Variants in FHIT observed in about 807,000 individuals in gnomAD.
FHIT encodes fragile histidine triad diadenosine triphosphatase.
A neutral mutation model predicts 17.9 loss-of-function variants in FHIT; 19 were observed. The observed-to-expected ratio is 1.06, with a 90% CI of 0.74 to 1.56. FHIT has a LOEUF of 1.56. Ranked by LOEUF, FHIT falls within the 40% of genes most tolerant of loss-of-function variation. The probability of loss-of-function intolerance (pLI) is 0.00; values close to 1 mark genes in which losing one functional copy is unlikely to be tolerated. For missense variants in FHIT, 248 were observed against 189.2 expected (o/e 1.31, Z -1.82); for synonymous variants, 81 against 69.7 (o/e 1.16, Z -0.81).
chr3:59,857,705 G>GT (rs78150569), intron 8 of FHIT, among the ~76,000 whole-genome samples: 1,424 of 115,382 alleles, frequency 0.012, 45 homozygotes, highest in African/African-American at 0.029. Flanking sequence ...AAAGTGCTGG[G>GT]TTTTTTTTTT....
At chr3:61,119,151 C>G (rs950076266) in intron 2 of FHIT, among the ~76,000 whole-genome samples, 6 of 152,156 alleles carry the variant, frequency 3.9e-5, no homozygotes, top group African/African-American at 1.4e-4. Flanking sequence ...AATAGCCTTC[C>G]CTCACAGTGG....
At chr3:61,122,696 T>C (rs756321910) in intron 2 of FHIT, among the ~76,000 whole-genome samples, 3 of 152,156 alleles carry the variant, frequency 2.0e-5, no homozygotes, top group Non-Finnish European at 2.9e-5. Flanking sequence ...GCGAAGGATA[T>C]GAACAGTCAC....
At chr3:59,929,619 G>A (rs963256847) in intron 7 of FHIT, among the ~76,000 whole-genome samples, 2 of 151,756 alleles carry the variant, frequency 1.3e-5, no homozygotes, top group African/African-American at 4.8e-5. Flanking sequence ...AGGTGATCAT[G>A]CCCAGCATCT....
Position 61,002,486 on chromosome 3 carries a change from TC to T in FHIT, c.-111+39560del, listed in dbSNP as rs541308543. On this transcript the variant is annotated intron_variant, in intron 3 of 9. Coordinates refer to ENST00000492590, the MANE Select transcript of FHIT (RefSeq NM_002012.4). ...TATGTTGCCCTAGCTGGTTTCAAACTCCTGGGCTCAAGTGATCCTCCCACCT... is the reference window on the plus strand; with the variant it reads ...TATGTTGCCCTAGCTGGTTTCAAACTCTGGGCTCAAGTGATCCTCCCACCT... Among the ~76,000 whole-genome samples, 9 of 152,214 alleles carry T rather than the reference TC, an allele frequency of 5.9e-5. No individual in the cohort carries two copies. In the East Asian group the frequency reaches 1.7e-3, roughly 30 times the overall value.
chr3:60,618,676 A>T (rs1207826347), intron 4 of FHIT, among the ~76,000 whole-genome samples: 1 of 152,224 alleles, frequency 6.6e-6, no homozygotes, highest in African/African-American at 2.4e-5. Flanking sequence ...ATGTTATGCA[A>T]AAAGATTTTG....
intron 5 of FHIT, among the ~76,000 whole-genome samples, chr3:60,026,590 T>A (rs1296385508): frequency 6.6e-6 from 1 of 152,220 alleles, no homozygotes; most frequent in Non-Finnish European, 1.5e-5. Context: ...AATCATCTTA[T>A]AATCATTTAG....
intron 5 of FHIT, among the ~76,000 whole-genome samples, chr3:60,205,526 G>A (rs1179690717): frequency 1.3e-5 from 2 of 152,134 alleles, no homozygotes; most frequent in Non-Finnish European, 2.9e-5. Flanking sequence ...CACCTAAAAA[G>A]CAGTATTTGA....
chr3:60,064,666 A>G (rs1009227888), intron 5 of FHIT, among the ~76,000 whole-genome samples: 1 of 152,200 alleles, frequency 6.6e-6, no homozygotes, highest in African/African-American at 2.4e-5. Context: ...TACACACAAC[A>G]CAAGCACACT....
chr3:59,762,122 C>T (rs1051279629), intron 8 of FHIT, among the ~76,000 whole-genome samples: 9 of 152,020 alleles, frequency 5.9e-5, no homozygotes, highest in East Asian at 1.9e-4. Context: ...GACTAACAGG[C>T]GGGTAGTGTA....
intron 3 of FHIT, among the ~76,000 whole-genome samples, chr3:60,988,623 G>T (rs1575802261): frequency 6.6e-6 from 1 of 152,106 alleles, no homozygotes; most frequent in Non-Finnish European, 1.5e-5. Flanking sequence ...GAATCTTCCA[G>T]CATTTGATCG....
chr3:60,528,935 C>G (rs2035671412), intron 5 of FHIT, among the ~76,000 whole-genome samples: 1 of 152,204 alleles, frequency 6.6e-6, no homozygotes, highest in African/African-American at 2.4e-5. Context: ...CTAATTGTTA[C>G]ACATAAACAT....
chr3:60,561,817 T>G (rs1294930343), intron 4 of FHIT, among the ~76,000 whole-genome samples: 1 of 151,866 alleles, frequency 6.6e-6, no homozygotes. Flanking sequence ...TAGTAACTAG[T>G]CAGGCACCAT....
intron 5 of FHIT, among the ~76,000 whole-genome samples, chr3:60,457,533 T>G (rs541755618): frequency 1.3e-5 from 2 of 152,234 alleles, no homozygotes; most frequent in African/African-American, 4.8e-5. Context: ...AAGGACTTCA[T>G]GTCTAAAGCA....
chr3:61,218,590 G>T (rs1352066386), intron 1 of FHIT, among the ~76,000 whole-genome samples: 1 of 152,166 alleles, frequency 6.6e-6, no homozygotes, highest in Admixed American at 6.6e-5. Context: ...TCAAGGTAAT[G>T]GAGAAGATCT....
chr3:61,185,103 T>G (rs977519917), intron 2 of FHIT, among the ~76,000 whole-genome samples: 1 of 152,186 alleles, frequency 6.6e-6, no homozygotes. Flanking sequence ...AAGGATTAAG[T>G]AGGCAGGACA....
chr3:61,183,152 C>T (rs933407018), intron 2 of FHIT, among the ~76,000 whole-genome samples: 1 of 152,196 alleles, frequency 6.6e-6, no homozygotes. Flanking sequence ...GCCATACTTG[C>T]CACAGAGTGC....
intron 4 of FHIT, among the ~76,000 whole-genome samples, chr3:60,570,346 C>T (rs781648999): frequency 1.3e-5 from 2 of 152,052 alleles, no homozygotes; most frequent in African/African-American, 2.4e-5. Flanking sequence ...CTTTTATAAT[C>T]GGGACTAAAA....
At chr3:60,820,806 G>C (rs1701898740) in intron 4 of FHIT, among the ~76,000 whole-genome samples, 3 of 152,092 alleles carry the variant, frequency 2.0e-5, no homozygotes, top group Admixed American at 2.0e-4. Flanking sequence ...TAAATTGTCT[G>C]AGACCCGGAA....
At chr3:60,065,079 T>G (rs1416330293) in intron 5 of FHIT, among the ~76,000 whole-genome samples, 1 of 152,100 alleles carries the variant, frequency 6.6e-6, no homozygotes, top group East Asian at 1.9e-4. Flanking sequence ...AGACTGTTCT[T>G]TAGGACATAA....
Sources: gnomAD v4.1 joint callset for allele counts (sites outside exome capture counted in the v4.1 genomes callset) on GRCh38, gnomAD v4.1.1 for gene constraint, MANE v1.5 for transcripts, NCBI Gene and HGNC (gene_info 2026-07-23, HGNC 2026-07-21) for gene names.